The following CFAP52 variants were observed in gnomAD, a reference collection of about 807,000 sequenced individuals.
CFAP52 encodes cilia and flagella associated protein 52.
CFAP52 carries 57 observed loss-of-function variants against 70.5 expected under a neutral mutation model. The observed-to-expected ratio is 0.81, with a 90% CI of 0.65 to 1.01. The LOEUF is 1.01. Ranked by LOEUF, CFAP52 falls within the 50% of genes least tolerant of loss-of-function variation. CFAP52 has a pLI of 0.00. For synonymous variants in CFAP52, 267 were observed against 292.5 expected (o/e 0.91, Z 0.89); for missense variants, 785 against 788.5 (o/e 1.00, Z 0.05).
chr17:9,621,190 G>A (rs1422367682), intron 8 of CFAP52, among the ~76,000 whole-genome samples: 1 of 13,556 alleles, frequency 7.4e-5, no homozygotes. Flanking sequence ...AAAAGTGGGC[G>A]AAGGACATGA....
intron 4 of CFAP52, among the ~76,000 whole-genome samples, chr17:9,597,803 A>AAGAGAGAGAGAGAGAG (rs10548437): frequency 7.2e-6 from 1 of 139,122 alleles, no homozygotes; most frequent in African/African-American, 2.7e-5. Context: ...CTCTGTCAGA[A>AAGAGAGAGAGAGAGAG]AGAGAGAGAG....
chr17:9,579,695 G>A (rs1055561367), intron 1 of CFAP52, among the ~76,000 whole-genome samples: 2 of 152,146 alleles, frequency 1.3e-5, no homozygotes, highest in Non-Finnish European at 2.9e-5. Context: ...AGCCTCCCAA[G>A]TAGCTGGGAT....
At chr17:9,642,919 C>A in intron 13 of CFAP52, 104 bp from the exon 14 acceptor site, 1 of 959,300 alleles carries the variant, frequency 1.0e-6, no homozygotes, top group Non-Finnish European at 1.4e-6. Flanking sequence ...ATTATAAAGA[C>A]AGATACATGG....
At chr17:9,630,726 T>G (rs562356476) in intron 9 of CFAP52, among the ~76,000 whole-genome samples, 9 of 151,462 alleles carry the variant, frequency 5.9e-5, no homozygotes, top group South Asian at 2.1e-4. Context: ...CACTGCGCCC[T>G]GCCCGATTTT....
At position 9,598,258 on chromosome 17, in the gene CFAP52, G is replaced by A. The variant is rs1404256506; in HGVS notation, c.561G>A (p.Leu187=). 6.2e-7 allele frequency: 1 copy of A among 1,608,376 alleles called. No individual in the cohort carries two copies. Among genetic ancestry groups the A allele is most frequent in the African/African-American group, 1.3e-5 (1 of 74,400 alleles). ...AGNGTIRVWE[L]DLPNRKIWPT... ...GTGGGACAATTCGAGTATGGGAATT[G>A]GATCTTCCAAATAGAAAAATCTGGC... Residue 187 remains leucine, a synonymous_variant, in exon 5 of 14, where the codon TTG becomes TTA. Coordinates refer to ENST00000352665, the MANE Select transcript of CFAP52 (RefSeq NM_145054.5).
At chr17:9,579,121 A>G (rs1356630230) in intron 1 of CFAP52, among the ~76,000 whole-genome samples, 1 of 151,964 alleles carries the variant, frequency 6.6e-6, no homozygotes, top group African/African-American at 2.4e-5. Context: ...GGAGCTTATG[A>G]TTTTATTTTT....
chr17:9,639,609 C>T (rs1910967658), intron 12 of CFAP52, among the ~76,000 whole-genome samples: 1 of 152,010 alleles, frequency 6.6e-6, no homozygotes, highest in African/African-American at 2.4e-5. Context: ...CTAATACACA[C>T]ATGAACCAAT....
intron 1 of CFAP52, among the ~76,000 whole-genome samples, chr17:9,581,472 T>C (rs778697067): frequency 3.3e-5 from 5 of 151,912 alleles, no homozygotes; most frequent in Non-Finnish European, 7.4e-5. Context: ...TGCCATACAG[T>C]GTATATGATA....
Position 9,635,439 on chromosome 17 carries a change from A to C in CFAP52, c.1355A>C (p.Lys452Thr). ...RVWQIGCQTQ[K>T]LEEALKEHKS... ...TGGCAGATAGGCTGTCAGACCCAGA[A>C]GCTGGAGGAGGCCCTGAAGGAACAC... The change falls in exon 11 of 14, where the codon AAG (lysine) becomes ACG (threonine). Residue 452 changes from lysine (K) to threonine (T), a missense_variant. Physicochemically the swap from Lys to Thr is moderately conservative, Grantham distance 78. Transcript: ENST00000352665. 1 of 1,614,166 alleles carries C rather than the reference A, an allele frequency of 6.2e-7. No individual in the cohort carries two copies. Among genetic ancestry groups the C allele is most frequent in the Non-Finnish European group, 8.5e-7 (1 of 1,180,044 alleles).
At chr17:9,624,355 T>C (rs903844842) in intron 8 of CFAP52, among the ~76,000 whole-genome samples, 1 of 152,080 alleles carries the variant, frequency 6.6e-6, no homozygotes, top group Non-Finnish European at 1.5e-5. Context: ...TCATTTTTCT[T>C]CAATTTTTAA....
At position 9,635,543 on chromosome 17, in the gene CFAP52, A is replaced by G. The variant is rs1316503884; in HGVS notation, c.1459A>G (p.Ile487Val). 5 of 1,614,204 alleles carry G rather than the reference A, an allele frequency of 3.1e-6. No homozygotes were observed. The highest frequency in any genetic ancestry group is 4.2e-6 in the Non-Finnish European group (5 of 1,180,042). ...CGCCAGCACCGATGGGACTTGTATC[A>G]TTTGGGACCTTGTGTAGGTACCTGT... ...VTASTDGTCI[I>V]WDLVRLRRNQ... The change falls in exon 11 of 14, where the codon ATT becomes GTT. Residue 487 changes from isoleucine (I) to valine (V), a missense_variant. Ile to Val is a conservative substitution (Grantham distance 29, BLOSUM62 3). Transcript: ENST00000352665.
chr17:9,625,427 A>G (rs549372635), intron 8 of CFAP52, among the ~76,000 whole-genome samples: 2 of 138,242 alleles, frequency 1.4e-5, no homozygotes, highest in East Asian at 4.2e-4. Flanking sequence ...ATTGTTAGCT[A>G]GGGATACATG....
intron 4 of CFAP52, among the ~76,000 whole-genome samples, chr17:9,597,883 A>G (rs990414777): frequency 3.3e-5 from 5 of 152,108 alleles, no homozygotes; most frequent in African/African-American, 1.2e-4. Flanking sequence ...GAAAGAAAAG[A>G]AAAAGAGGAA....
At chr17:9,644,341 G>A (rs941279751), downstream of CFAP52, among the ~76,000 whole-genome samples, 1 of 152,174 alleles carries the variant, frequency 6.6e-6, no homozygotes, top group African/African-American at 2.4e-5. Flanking sequence ...CTGACCTCAG[G>A]TGATCCGCCC....
In CFAP52 at chr17:9,643,136, T is replaced by C. The variant is rs1204709178; in HGVS notation, c.1801T>C (p.Tyr601His). 2 of 1,613,704 alleles carry C rather than the reference T, an allele frequency of 1.2e-6. No homozygotes were observed. Among genetic ancestry groups the C allele is most frequent in the Non-Finnish European group, 1.7e-6 (2 of 1,179,840 alleles). ...CATCCGCATAAGTCCAGGAAATCAA[T>C]ATATTGTTAGTGTAAGTGCCGATGG... ...TRIRISPGNQ[Y>H]IVSVSADGAI... The change falls in exon 14 of 14, where the codon TAT becomes CAT. Residue 601 changes from tyrosine (Y) to histidine (H), a missense_variant. Tyr to His is a moderately conservative substitution (Grantham distance 83). Transcript: ENST00000352665.
chr17:9,627,560 G>A (rs181743544), intron 8 of CFAP52, among the ~76,000 whole-genome samples: 1 of 152,110 alleles, frequency 6.6e-6, no homozygotes, highest in East Asian at 1.9e-4. Context: ...ACAGGAAAGG[G>A]TTTGTTTATT....
intron 6 of CFAP52, 61 bp from the exon 7 acceptor site, chr17:9,608,058 A>G: frequency 7.1e-7 from 1 of 1,407,962 alleles, no homozygotes; most frequent in South Asian, 1.4e-5. Flanking sequence ...ACATGAGTAC[A>G]TTCTTTAGTG....
intron 1 of CFAP52, among the ~76,000 whole-genome samples, chr17:9,581,797 G>A (rs1266269874): frequency 6.6e-6 from 1 of 152,208 alleles, no homozygotes; most frequent in Non-Finnish European, 1.5e-5. Context: ...TTCCTTGGCA[G>A]CCAATTGAGA....
chr17:9,631,028 A>AAGAG (rs761523039), intron 9 of CFAP52, among the ~76,000 whole-genome samples: 14 of 44,730 alleles, frequency 3.1e-4, no homozygotes, highest in African/African-American at 6.1e-4. Context: ...GAAAGAAAGA[A>AAGAG]AGAGAGAGAG....
Sources: gnomAD v4.1 joint callset for allele counts (sites outside exome capture counted in the v4.1 genomes callset) on GRCh38, gnomAD v4.1.1 for gene constraint, MANE v1.5 for transcripts, NCBI Gene and HGNC (gene_info 2026-07-23, HGNC 2026-07-21) for gene names.